CSMD1: variants seen among roughly 807,000 people sequenced by gnomAD.
CSMD1 encodes the protein CUB and Sushi multiple domains 1.
A neutral mutation model predicts 417.5 loss-of-function variants in CSMD1; 213 were observed. The observed-to-expected ratio is 0.51, with a 90% CI of 0.46 to 0.57. The LOEUF is 0.57. CSMD1 is among the 20% of genes least tolerant of loss of function. The pLI is 0.00. For synonymous variants in CSMD1, 2,862 were observed against 1,736.8 expected, an observed-to-expected ratio of 1.65 and a Z score of -16.11; for missense variants, 6,923 against 4,529.7, an observed-to-expected ratio of 1.53 and a Z score of -15.17.
chr8:3,170,170 C>G (rs1366733303), intron 37 of CSMD1, among the ~76,000 whole-genome samples: 1 of 152,174 alleles, frequency 6.6e-6, no homozygotes, highest in Non-Finnish European at 1.5e-5. Flanking sequence ...TTTGAGTGCT[C>G]ATTTTTCTTT....
At chr8:3,451,293 T>C (rs1815696590) in intron 12 of CSMD1, among the ~76,000 whole-genome samples, 1 of 152,232 alleles carries the variant, frequency 6.6e-6, no homozygotes, top group African/African-American at 2.4e-5. Context: ...GTAGTTTCTT[T>C]TGCTGCACAG....
intron 41 of CSMD1, among the ~76,000 whole-genome samples, chr8:3,138,833 T>G (rs1818266603): frequency 6.6e-6 from 1 of 152,182 alleles, no homozygotes; most frequent in African/African-American, 2.4e-5. Context: ...TTATAGATGT[T>G]GAACGATTTC....
chr8:4,182,407 A>G (rs971306701), intron 3 of CSMD1, among the ~76,000 whole-genome samples: 4 of 152,176 alleles, frequency 2.6e-5, no homozygotes, highest in Admixed American at 2.6e-4. Context: ...AGATCAGTAA[A>G]TGCTGAACCT....
At chr8:3,124,997 T>A (rs1817417467) in intron 41 of CSMD1, among the ~76,000 whole-genome samples, 1 of 152,218 alleles carries the variant, frequency 6.6e-6, no homozygotes, top group Non-Finnish European at 1.5e-5. Context: ...TTAAACTGAG[T>A]ACTTAACTAC....
chr8:4,305,389 T>C (rs1002200178), intron 3 of CSMD1, among the ~76,000 whole-genome samples: 2 of 151,980 alleles, frequency 1.3e-5, no homozygotes, highest in Admixed American at 6.6e-5. Flanking sequence ...GAGCAAGAGA[T>C]TTGCTGAGGG....
At chr8:4,488,584 G>C (rs929919132) in intron 2 of CSMD1, among the ~76,000 whole-genome samples, 1 of 152,046 alleles carries the variant, frequency 6.6e-6, no homozygotes, top group Non-Finnish European at 1.5e-5. Flanking sequence ...CTCCAGATTT[G>C]CTGCTTTCAA....
intron 10 of CSMD1, among the ~76,000 whole-genome samples, chr8:3,499,675 T>G (rs1796513434): frequency 6.6e-6 from 1 of 151,968 alleles, no homozygotes; most frequent in Non-Finnish European, 1.5e-5. Flanking sequence ...CGACTCTGCT[T>G]GACGACTTGT....
intron 18 of CSMD1, among the ~76,000 whole-genome samples, chr8:3,379,537 T>C (rs961211765): frequency 5.3e-5 from 8 of 152,188 alleles, no homozygotes; most frequent in African/African-American, 1.7e-4. Flanking sequence ...AAGGTACTGG[T>C]ACCAAAGCAG....
intron 26 of CSMD1, among the ~76,000 whole-genome samples, chr8:3,278,058 C>T (rs1802438049): frequency 6.6e-6 from 1 of 152,112 alleles, no homozygotes; most frequent in Non-Finnish European, 1.5e-5. Flanking sequence ...GACAAGCCCT[C>T]CTGGCATCTG....
intron 3 of CSMD1, among the ~76,000 whole-genome samples, chr8:4,213,584 T>A (rs1436142438): frequency 6.6e-6 from 1 of 152,212 alleles, no homozygotes; most frequent in East Asian, 1.9e-4. Context: ...ACTTGCAACG[T>A]GAAAGAAAAA....
intron 49 of CSMD1, among the ~76,000 whole-genome samples, chr8:3,080,913 T>C (rs1466567721): frequency 2.6e-5 from 4 of 152,150 alleles, no homozygotes; most frequent in African/African-American, 4.8e-5. Flanking sequence ...TCTAAAAATA[T>C]GATGCGTCTA....
intron 2 of CSMD1, among the ~76,000 whole-genome samples, chr8:4,617,425 G>T (rs12541548): frequency 6.6e-6 from 1 of 151,830 alleles, no homozygotes; most frequent in African/African-American, 2.4e-5. Context: ...AAATATGCAA[G>T]GTAGTAGGAC....
chr8:4,243,384 C>T (rs1486227279), intron 3 of CSMD1, among the ~76,000 whole-genome samples: 2 of 152,154 alleles, frequency 1.3e-5, no homozygotes, highest in Non-Finnish European at 2.9e-5. Flanking sequence ...AACAGCTTGA[C>T]TTGGAGAGAA....
At chr8:4,315,319 G>A (rs922659216) in intron 3 of CSMD1, among the ~76,000 whole-genome samples, 2 of 152,152 alleles carry the variant, frequency 1.3e-5, no homozygotes, top group African/African-American at 2.4e-5. Context: ...GGTCCACAGC[G>A]TCTTCTAGCT....
intron 5 of CSMD1, among the ~76,000 whole-genome samples, chr8:3,868,203 G>A (rs535661069): frequency 2.0e-4 from 29 of 148,332 alleles, no homozygotes; most frequent in African/African-American, 6.2e-4. Flanking sequence ...GATGTACTGC[G>A]CCTGTAGAAA....
chr8:2,977,154 T>C (rs1309944937), intron 55 of CSMD1, among the ~76,000 whole-genome samples: 1 of 152,128 alleles, frequency 6.6e-6, no homozygotes, highest in African/African-American at 2.4e-5. Context: ...GGTGTGTAGG[T>C]TTGTTACGCA....
At chr8:4,072,476 G>T (rs1421207734) in intron 3 of CSMD1, among the ~76,000 whole-genome samples, 1 of 152,142 alleles carries the variant, frequency 6.6e-6, no homozygotes, top group Non-Finnish European at 1.5e-5. Flanking sequence ...CGCACTTGTA[G>T]TGAAGGGAAT....
At chr8:4,316,792 A>G (rs1326025765) in intron 3 of CSMD1, among the ~76,000 whole-genome samples, 1 of 152,172 alleles carries the variant, frequency 6.6e-6, no homozygotes, top group African/African-American at 2.4e-5. Flanking sequence ...AAGTAAATCT[A>G]TATTGTGCTT....
At chr8:3,945,677 G>C (rs1030663670) in intron 5 of CSMD1, among the ~76,000 whole-genome samples, 1 of 152,010 alleles carries the variant, frequency 6.6e-6, no homozygotes, top group Non-Finnish European at 1.5e-5. Flanking sequence ...GTGAAATGAC[G>C]ACAGTCCAGA....
Sources: gnomAD v4.1 joint callset for allele counts (sites outside exome capture counted in the v4.1 genomes callset) on GRCh38, gnomAD v4.1.1 for gene constraint, MANE v1.5 for transcripts, NCBI Gene and HGNC (gene_info 2026-07-23, HGNC 2026-07-21) for gene names.